Variants in MECOM observed in about 807,000 individuals in gnomAD.
MECOM encodes MDS1 and EVI1 complex locus, also known as histone-lysine N-methyltransferase MECOM.
A neutral mutation model predicts 116.3 loss-of-function variants in MECOM; 13 were observed. The ratio of observed to expected loss-of-function variants is 0.11; its 90% confidence interval spans 0.07 to 0.18. MECOM has a LOEUF of 0.18. Among genes scored for constraint, MECOM ranks in the 10% least tolerant of loss-of-function variants. The probability of loss-of-function intolerance (pLI) is 1.00; values close to 1 mark genes in which losing one functional copy is unlikely to be tolerated. For synonymous variants in MECOM, 528 were observed against 535.2 expected (o/e 0.99, Z 0.19); for missense variants, 1,299 against 1,509.0 (o/e 0.86, Z 2.31).
chr3:169,350,711 G>A (rs1037402637), intron 2 of MECOM, among the ~76,000 whole-genome samples: 2 of 151,354 alleles, frequency 1.3e-5, no homozygotes, highest in South Asian at 2.1e-4. Context: ...TATAAATGCA[G>A]CTGTTACAAC....
chr3:169,569,335 G>C (rs939180164), intron 1 of MECOM, among the ~76,000 whole-genome samples: 1 of 152,170 alleles, frequency 6.6e-6, no homozygotes. Context: ...CATAAACCAA[G>C]CTCTTAGAGA....
At chr3:169,280,836 C>A (rs1711790537) in intron 2 of MECOM, among the ~76,000 whole-genome samples, 1 of 152,146 alleles carries the variant, frequency 6.6e-6, no homozygotes, top group Non-Finnish European at 1.5e-5. Flanking sequence ...CAATCTGGGG[C>A]TGTTGTGATG....
chr3:169,085,362 A>G (rs1717334994), intron 16 of MECOM, among the ~76,000 whole-genome samples: 1 of 152,208 alleles, frequency 6.6e-6, no homozygotes, highest in Non-Finnish European at 1.5e-5. Flanking sequence ...TCCACTACAT[A>G]TGTTCAATTC....
At chr3:169,630,738 T>C (rs1028836663) in intron 1 of MECOM, among the ~76,000 whole-genome samples, 1 of 152,216 alleles carries the variant, frequency 6.6e-6, no homozygotes, top group African/African-American at 2.4e-5. Flanking sequence ...TTTGTTGATG[T>C]TATTTTGCTT....
intron 2 of MECOM, among the ~76,000 whole-genome samples, chr3:169,337,789 C>T (rs1723820773): frequency 6.6e-6 from 1 of 152,154 alleles, no homozygotes; most frequent in African/African-American, 2.4e-5. Flanking sequence ...CAGCCTTCTA[C>T]ACAAATAGAT....
At chr3:169,641,667 A>T (rs1343570200) in intron 1 of MECOM, among the ~76,000 whole-genome samples, 1 of 152,258 alleles carries the variant, frequency 6.6e-6, no homozygotes, top group Non-Finnish European at 1.5e-5. Context: ...GTATTAGCTC[A>T]TTTGAACCTC....
intron 1 of MECOM, among the ~76,000 whole-genome samples, chr3:169,516,348 T>G (rs1319143250): frequency 6.6e-6 from 1 of 152,194 alleles, no homozygotes; most frequent in Non-Finnish European, 1.5e-5. Flanking sequence ...AAGAGTATCT[T>G]TAAACAAGAA....
intron 2 of MECOM, among the ~76,000 whole-genome samples, chr3:169,210,086 A>G (rs1231973411): frequency 3.3e-5 from 5 of 152,158 alleles, no homozygotes; most frequent in Non-Finnish European, 5.9e-5. Context: ...CATCATCTTC[A>G]GCAAACTAAC....
chr3:169,506,736 G>A (rs1343086305), intron 1 of MECOM, among the ~76,000 whole-genome samples: 1 of 152,164 alleles, frequency 6.6e-6, no homozygotes, highest in Non-Finnish European at 1.5e-5. Flanking sequence ...ACAGAATGCA[G>A]CTATACTTAC....
chr3:169,537,811 A>G (rs1024919410), intron 1 of MECOM, among the ~76,000 whole-genome samples: 1 of 152,066 alleles, frequency 6.6e-6, no homozygotes, highest in Non-Finnish European at 1.5e-5. Flanking sequence ...ATAAAACTTG[A>G]GTACAAAGGT....
chr3:169,256,909 C>T (rs865876458), intron 2 of MECOM, among the ~76,000 whole-genome samples: 10 of 152,234 alleles, frequency 6.6e-5, no homozygotes, highest in Non-Finnish European at 1.3e-4. Flanking sequence ...TCCTAACTTC[C>T]GAGAGGGCAA....
At chr3:169,405,320 A>T (rs1560231097) in intron 1 of MECOM, among the ~76,000 whole-genome samples, 1 of 152,174 alleles carries the variant, frequency 6.6e-6, no homozygotes, top group African/African-American at 2.4e-5. Context: ...CATAAGATAA[A>T]GGCACAATTA....
At chr3:169,333,890 TTCC>T (rs1470252504) in intron 2 of MECOM, among the ~76,000 whole-genome samples, 2 of 148,582 alleles carry the variant, frequency 1.3e-5, no homozygotes, top group Admixed American at 6.7e-5. Context: ...CCTTCCTTCC[TTCC>T]TTCCTCCCTC....
intron 2 of MECOM, among the ~76,000 whole-genome samples, chr3:169,150,042 C>T (rs1302786104): frequency 2.0e-5 from 3 of 147,574 alleles, no homozygotes; most frequent in African/African-American, 5.0e-5. Flanking sequence ...CACTCCCTTT[C>T]TCCTTTAGGT....
intron 1 of MECOM, among the ~76,000 whole-genome samples, chr3:169,558,384 A>G (rs1762274595): frequency 6.6e-6 from 1 of 152,196 alleles, no homozygotes; most frequent in Admixed American, 6.6e-5. Flanking sequence ...CTGTTTTTCT[A>G]GTGTTTTCCA....
At chr3:169,576,836 C>CAGAGAGAGAGAGAG (rs1413097407) in intron 1 of MECOM, among the ~76,000 whole-genome samples, 1 of 113,314 alleles carries the variant, frequency 8.8e-6, no homozygotes, top group Non-Finnish European at 1.9e-5. Context: ...CACACACACA[C>CAGAGAGAGAGAGAG]ACAGAGAGAG....
intron 2 of MECOM, among the ~76,000 whole-genome samples, chr3:169,322,009 A>T (rs1720949692): frequency 6.6e-6 from 1 of 152,196 alleles, no homozygotes; most frequent in Non-Finnish European, 1.5e-5. Flanking sequence ...CAGTTTCTCC[A>T]TGTATCTCCA....
At chr3:169,577,884 T>C (rs1056357870) in intron 1 of MECOM, among the ~76,000 whole-genome samples, 10 of 152,140 alleles carry the variant, frequency 6.6e-5, no homozygotes, top group African/African-American at 1.7e-4. Flanking sequence ...TCTAACCAAG[T>C]GATAGCCTTA....
intron 12 of MECOM, among the ~76,000 whole-genome samples, chr3:169,100,092 TC>T (rs1723024989): frequency 2.8e-5 from 3 of 106,020 alleles, no homozygotes; most frequent in Non-Finnish European, 5.3e-5. Flanking sequence ...TTTCTTTCTT[TC>T]TTTCTTTCTT....
Sources: allele counts gnomAD v4.1 joint callset (sites outside exome capture counted in the v4.1 genomes callset), GRCh38; gene constraint gnomAD v4.1.1; transcripts MANE v1.5; gene names NCBI Gene and HGNC (gene_info 2026-07-23, HGNC 2026-07-21).